TTC29: variants seen among roughly 807,000 people sequenced by gnomAD.
TTC29 encodes the protein tetratricopeptide repeat domain 29.
Under a neutral mutation model 58.1 loss-of-function variants are expected in TTC29, and 49 were observed. The ratio of observed to expected loss-of-function variants is 0.84; its 90% CI spans 0.67 to 1.07. The LOEUF is 1.07. Ranked by LOEUF, TTC29 falls within the 50% of genes least tolerant of loss-of-function variation. The probability of loss-of-function intolerance (pLI) is 0.00; values close to 1 mark genes in which losing one functional copy is unlikely to be tolerated. For synonymous variants in TTC29, 209 were observed against 196.8 expected, an observed-to-expected ratio of 1.06 and a Z score of -0.52; for missense variants, 582 against 555.6, an observed-to-expected ratio of 1.05 and a Z score of -0.48.
At chr4:146,836,848 T>G (rs1728544429) in intron 8 of TTC29, among the ~76,000 whole-genome samples, 1 of 152,048 alleles carries the variant, frequency 6.6e-6, no homozygotes, top group Admixed American at 6.6e-5. Context: ...AAACAACATA[T>G]GCTGGCAAAG....
rs576333990 is a variant in TTC29, at chr4:146,937,097, G to A, written c.176+497C>T. Among the ~76,000 whole-genome samples the A allele has an allele frequency of 4.6e-5, 7 of 151,876 alleles. No individual in the cohort carries two copies. In the East Asian group the frequency reaches 5.8e-4, roughly 13 times the overall value. On this transcript the variant is annotated intron_variant, in intron 4 of 12. Transcript: ENST00000325106. The stretch of plus-strand genomic sequence containing the variant: ...GTGATAAAATGTCAAAGTTTGTATC[G>A]TTCATCTAAAAAATAAATCTAGACA...
intron 4 of TTC29, among the ~76,000 whole-genome samples, chr4:146,918,211 T>C (rs1309311711): frequency 1.3e-5 from 2 of 151,202 alleles, no homozygotes; most frequent in South Asian, 2.1e-4. Flanking sequence ...TAAAAGTATA[T>C]ATACAAATTG....
intron 11 of TTC29, among the ~76,000 whole-genome samples, chr4:146,731,204 T>C (rs1195916126): frequency 6.6e-6 from 1 of 152,108 alleles, no homozygotes; most frequent in Non-Finnish European, 1.5e-5. Context: ...TGATACCTTA[T>C]GGTCATTATC....
intron 11 of TTC29, among the ~76,000 whole-genome samples, chr4:146,765,793 A>G (rs1747270075): frequency 6.6e-6 from 1 of 152,038 alleles, no homozygotes. Context: ...TGATGATGAT[A>G]CTCTATGACT....
intron 11 of TTC29, among the ~76,000 whole-genome samples, chr4:146,712,931 A>G (rs577828792): frequency 6.6e-6 from 1 of 152,188 alleles, no homozygotes; most frequent in East Asian, 1.9e-4. Flanking sequence ...GTCAGAAAGG[A>G]GCTGAAGAAG....
At position 146,940,341 on chromosome 4, in the gene TTC29, G is replaced by A. The variant is rs1211871163; in HGVS notation, c.-6-440C>T. 5.9e-5 allele frequency among the ~76,000 whole-genome samples: 9 copies of A among 152,184 alleles called. No homozygotes were observed. In the East Asian group the frequency reaches 1.4e-3, roughly 23 times the overall value. ...CTTGCTGTTTTCTAAAAGCCTTATC[G>A]CTCACAAATAAAGGCTTTCCCTTAG... On this transcript the variant is annotated intron_variant, in intron 2 of 12. Coordinates refer to ENST00000325106, the MANE Select transcript of TTC29 (RefSeq NM_031956.4).
intron 11 of TTC29, among the ~76,000 whole-genome samples, chr4:146,754,224 G>A (rs966089243): frequency 1.3e-5 from 2 of 151,516 alleles, no homozygotes; most frequent in African/African-American, 4.8e-5. Context: ...CAATACATTG[G>A]ATAACCTAGA....
Position 146,868,621 on chromosome 4 carries a change from A to G in TTC29, c.800-1038T>C, listed in dbSNP as rs1310188749. On this transcript the variant is annotated intron_variant, in intron 7 of 12. Transcript: ENST00000325106. ...GCGTAAAGATACAACATGGTTCAACATGACATACCTCATACCATTTGGCAA... is the reference window on the plus strand; with the variant it reads ...GCGTAAAGATACAACATGGTTCAACGTGACATACCTCATACCATTTGGCAA... Among the ~76,000 whole-genome samples the G allele has an allele frequency of 3.3e-5, 5 of 152,284 alleles. No individual in the cohort carries two copies. In the East Asian group the frequency reaches 9.6e-4, roughly 29 times the overall value.
chr4:146,858,979 G>A (rs1730052838), intron 8 of TTC29, among the ~76,000 whole-genome samples: 1 of 152,122 alleles, frequency 6.6e-6, no homozygotes. Context: ...AGTACTTACT[G>A]CCTTTACTTC....
intron 11 of TTC29, among the ~76,000 whole-genome samples, chr4:146,790,763 T>G (rs1247059057): frequency 6.6e-6 from 1 of 152,198 alleles, no homozygotes; most frequent in African/African-American, 2.4e-5. Context: ...AAGCTGGGAC[T>G]TGCTAAGCAA....
At chr4:146,929,889 G>A (rs1735190111) in intron 4 of TTC29, among the ~76,000 whole-genome samples, 2 of 151,696 alleles carry the variant, frequency 1.3e-5, no homozygotes, top group African/African-American at 4.8e-5. Flanking sequence ...TTACACTTTG[G>A]TTTAAAGAGA....
chr4:146,831,041 C>T (rs1274386514), intron 9 of TTC29, among the ~76,000 whole-genome samples: 2 of 152,046 alleles, frequency 1.3e-5, no homozygotes, highest in Admixed American at 1.3e-4. Flanking sequence ...CTTGCACTCC[C>T]CTGAGTACTC....
At chr4:146,759,614 T>C (rs926615594) in intron 11 of TTC29, among the ~76,000 whole-genome samples, 1 of 152,078 alleles carries the variant, frequency 6.6e-6, no homozygotes. Flanking sequence ...ATACCAAGGA[T>C]GCAGGGATGG....
chr4:146,936,981 T>A (rs1370327383), intron 4 of TTC29, among the ~76,000 whole-genome samples: 1 of 151,992 alleles, frequency 6.6e-6, no homozygotes, highest in Non-Finnish European at 1.5e-5. Context: ...TAAACTTGTT[T>A]AGCTATTATT....
intron 4 of TTC29, among the ~76,000 whole-genome samples, chr4:146,927,831 A>G (rs1735040710): frequency 6.6e-6 from 1 of 152,110 alleles, no homozygotes; most frequent in Non-Finnish European, 1.5e-5. Flanking sequence ...CAGGCAGAAC[A>G]CATGTGCAAG....
At chr4:146,817,403 T>C (rs368789786) in intron 10 of TTC29, among the ~76,000 whole-genome samples, 1 of 151,958 alleles carries the variant, frequency 6.6e-6, no homozygotes, top group Non-Finnish European at 1.5e-5. Context: ...TCAAGGAGAA[T>C]TACAAACCAC....
intron 11 of TTC29, among the ~76,000 whole-genome samples, chr4:146,711,668 G>T (rs887826920): frequency 1.3e-5 from 2 of 152,070 alleles, no homozygotes; most frequent in African/African-American, 4.8e-5. Flanking sequence ...TATTAACGAT[G>T]AGATGTTTTG....
At chr4:146,772,008 G>A (rs1317166147) in intron 11 of TTC29, among the ~76,000 whole-genome samples, 3 of 152,124 alleles carry the variant, frequency 2.0e-5, no homozygotes, top group Non-Finnish European at 4.4e-5. Flanking sequence ...GATTAGTGAT[G>A]GTGAGCATCT....
chr4:146,916,182 C>T lies in TTC29; in HGVS notation c.177-6933G>A, dbSNP rs1049143305. 6.0e-4 allele frequency among the ~76,000 whole-genome samples: 91 copies of T among 151,510 alleles called. 1 individual carries two copies. Among genetic ancestry groups the T allele is most frequent in the Admixed American group, 5.9e-3 (89 of 15,166 alleles). On this transcript the variant is annotated intron_variant, in intron 4 of 12. Transcript: ENST00000325106. ...CGGTGTAGATAGATATTATGTATAT[C>T]GTAATCAGAATTTAAAAAGTCATTT...
Sources: gnomAD v4.1 joint callset for allele counts (sites outside exome capture counted in the v4.1 genomes callset) on GRCh38, gnomAD v4.1.1 for gene constraint, MANE v1.5 for transcripts, NCBI Gene and HGNC (gene_info 2026-07-23, HGNC 2026-07-21) for gene names.